NAALADL2: variants seen among roughly 807,000 people sequenced by gnomAD.
NAALADL2 encodes the protein N-acetylated alpha-linked acidic dipeptidase like 2.
A neutral mutation model predicts 87.2 loss-of-function variants in NAALADL2; 76 were observed. That is an observed-to-expected ratio of 0.87 (90% CI 0.72 to 1.05). The LOEUF (loss-of-function observed/expected upper bound fraction) is 1.05, where lower values mean the gene tolerates loss of function less well. Among genes scored for constraint, NAALADL2 ranks in the 50% least tolerant of loss-of-function variants. The probability of loss-of-function intolerance (pLI) is 0.00; values close to 1 mark genes in which losing one functional copy is unlikely to be tolerated. For synonymous variants in NAALADL2, 354 were observed against 331.0 expected (o/e 1.07, Z -0.75); for missense variants, 1,089 against 945.8 (o/e 1.15, Z -1.99).
intron 3 of NAALADL2, among the ~76,000 whole-genome samples, chr3:174,819,015 A>C (rs1022063625): frequency 5.1e-5 from 7 of 137,654 alleles, no homozygotes. Context: ...GAAATAATTC[A>C]CTTTGATATA....
intron 13 of NAALADL2, among the ~76,000 whole-genome samples, chr3:175,779,802 A>ATAAAC (rs1750767106): frequency 6.6e-6 from 1 of 152,182 alleles, no homozygotes; most frequent in Admixed American, 6.5e-5. Flanking sequence ...TTTCCTGCCT[A>ATAAAC]TAAACTATAT....
intron 11 of NAALADL2, among the ~76,000 whole-genome samples, chr3:175,648,214 G>C (rs761174477): frequency 1.1e-4 from 17 of 152,106 alleles, no homozygotes; most frequent in Non-Finnish European, 2.1e-4. Flanking sequence ...TTGTGTTATT[G>C]AGAACACATG....
At chr3:175,779,798 G>C (rs984689294) in intron 13 of NAALADL2, among the ~76,000 whole-genome samples, 1 of 152,054 alleles carries the variant, frequency 6.6e-6, no homozygotes, top group Non-Finnish European at 1.5e-5. Flanking sequence ...TCACTTTCCT[G>C]CCTATAAACT....
intron 1 of NAALADL2, among the ~76,000 whole-genome samples, chr3:175,028,013 G>A (rs1318181703): frequency 6.6e-6 from 1 of 151,950 alleles, no homozygotes; most frequent in Non-Finnish European, 1.5e-5. Flanking sequence ...GGCATTTTTA[G>A]CTAGAAGCTG....
chr3:174,930,841 C>G (rs1223594874), intron 1 of NAALADL2, among the ~76,000 whole-genome samples: 13 of 151,730 alleles, frequency 8.6e-5, no homozygotes, highest in Admixed American at 7.9e-4. Context: ...CCGGGATGGT[C>G]TCCTTCTTCT....
At chr3:175,792,314 A>T (rs949566668) in intron 13 of NAALADL2, among the ~76,000 whole-genome samples, 1 of 152,086 alleles carries the variant, frequency 6.6e-6, no homozygotes, top group Non-Finnish European at 1.5e-5. Context: ...ATTAAATGTG[A>T]TGTTTCTAGT....
chr3:175,401,493 C>T (rs1770558077), intron 5 of NAALADL2, among the ~76,000 whole-genome samples: 1 of 152,220 alleles, frequency 6.6e-6, no homozygotes, highest in African/African-American at 2.4e-5. Flanking sequence ...AATCCTTAGG[C>T]AATTTAGTCA....
intron 11 of NAALADL2, among the ~76,000 whole-genome samples, chr3:175,718,982 G>A (rs751556059): frequency 2.5e-4 from 38 of 152,036 alleles, no homozygotes; most frequent in African/African-American, 6.5e-4. Context: ...TTTAAAGTGC[G>A]GTATGATTGC....
At chr3:174,703,377 A>T (rs968122731) in intron 2 of NAALADL2, among the ~76,000 whole-genome samples, 12 of 151,654 alleles carry the variant, frequency 7.9e-5, no homozygotes, top group African/African-American at 2.9e-4. Flanking sequence ...TACATGAATA[A>T]TATGAAGAGA....
intron 13 of NAALADL2, among the ~76,000 whole-genome samples, chr3:175,783,220 T>C (rs1751410853): frequency 6.6e-6 from 1 of 151,760 alleles, no homozygotes; most frequent in Non-Finnish European, 1.5e-5. Context: ...AACTTTAAAG[T>C]AGTTTTTTCC....
intron 2 of NAALADL2, among the ~76,000 whole-genome samples, chr3:174,573,027 C>A (rs1034464835): frequency 6.6e-6 from 1 of 152,152 alleles, no homozygotes; most frequent in African/African-American, 2.4e-5. Flanking sequence ...GATATTATGG[C>A]TCCATAATCT....
chr3:175,689,528 G>T (rs578029557), intron 11 of NAALADL2, among the ~76,000 whole-genome samples: 2 of 152,088 alleles, frequency 1.3e-5, no homozygotes, highest in Non-Finnish European at 2.9e-5. Flanking sequence ...TCTCACTTAC[G>T]ACTTCAAATA....
At chr3:175,106,906 T>G (rs932927905) in intron 2 of NAALADL2, among the ~76,000 whole-genome samples, 12 of 118,540 alleles carry the variant, frequency 1.0e-4, no homozygotes, top group Non-Finnish European at 1.1e-4. Context: ...AATAGATTAT[T>G]TATGCAAAAG....
chr3:174,964,183 G>A (rs894702685), intron 1 of NAALADL2, among the ~76,000 whole-genome samples: 3 of 151,936 alleles, frequency 2.0e-5, no homozygotes, highest in Non-Finnish European at 4.4e-5. Flanking sequence ...TTATTTGCCT[G>A]GCACCATTTA....
intron 1 of NAALADL2, among the ~76,000 whole-genome samples, chr3:175,010,071 GGT>G (rs1356431493): frequency 6.6e-6 from 1 of 151,598 alleles, no homozygotes; most frequent in Non-Finnish European, 1.5e-5. Flanking sequence ...GATTCAAATT[GGT>G]GTGTTTATAA....
rs556326264 is a variant in NAALADL2 at position 175,319,997 on chromosome 3, T to A, written c.940-4178T>A. Among the ~76,000 whole-genome samples the A allele has an allele frequency of 2.0e-5, 3 of 152,308 alleles. 1 individual carries two copies. The South Asian group carries it at 6.2e-4, about 32-fold the overall frequency. On this transcript the variant is annotated intron_variant, in intron 4 of 13. Transcript: ENST00000454872. ...TTGCTTACTCCACTGCAAAAGTTAATACGCAACATAAGCAGTAATTGGGGA... is the reference window on the plus strand; with the variant it reads ...TTGCTTACTCCACTGCAAAAGTTAAAACGCAACATAAGCAGTAATTGGGGA...
intron 9 of NAALADL2, among the ~76,000 whole-genome samples, chr3:175,488,478 C>T (rs1408587634): frequency 6.6e-6 from 1 of 152,220 alleles, no homozygotes; most frequent in Non-Finnish European, 1.5e-5. Flanking sequence ...CATACGTGCA[C>T]ATTCATCTAT....
At chr3:174,470,173 C>T (rs557007495) in intron 1 of NAALADL2, among the ~76,000 whole-genome samples, 18 of 152,190 alleles carry the variant, frequency 1.2e-4, no homozygotes, top group African/African-American at 4.3e-4. Context: ...TATTTTCTCA[C>T]TTTTAAGAAT....
chr3:175,202,901 A>G (rs926537546), intron 2 of NAALADL2, among the ~76,000 whole-genome samples: 1 of 151,868 alleles, frequency 6.6e-6, no homozygotes, highest in African/African-American at 2.4e-5. Flanking sequence ...GAAGTGGGGG[A>G]AGGGTGCCAG....
Sources: allele counts gnomAD v4.1 joint callset (sites outside exome capture counted in the v4.1 genomes callset), GRCh38; gene constraint gnomAD v4.1.1; transcripts MANE v1.5; gene names NCBI Gene and HGNC (gene_info 2026-07-23, HGNC 2026-07-21).